The following PTPRN2 variants were observed in gnomAD, a reference collection of about 807,000 sequenced individuals.
The protein encoded by PTPRN2 is receptor-type tyrosine-protein phosphatase N2.
PTPRN2 carries 74 observed loss-of-function variants against 118.8 expected under a neutral mutation model. That is an observed-to-expected ratio of 0.62 (90% CI 0.52 to 0.76). The LOEUF is 0.76. Among genes scored for constraint, PTPRN2 ranks in the 30% least tolerant of loss-of-function variants. The pLI, the probability that PTPRN2 is intolerant of heterozygous loss-of-function variation, is 0.00. For missense variants in PTPRN2, 1,481 were observed against 1,394.4 expected, an observed-to-expected ratio of 1.06 and a Z score of -0.99; for synonymous variants, 641 against 608.0, an observed-to-expected ratio of 1.05 and a Z score of -0.80.
intron 12 of PTPRN2, among the ~76,000 whole-genome samples, chr7:157,734,197 T>TACCCTTTC (rs1563053079): frequency 5.6e-5 from 3 of 53,878 alleles, no homozygotes; most frequent in East Asian, 6.6e-4. Context: ...GTTACTCTTT[T>TACCCTTTC]CCGTCCCATG....
chr7:158,551,210 C>G (rs1211053847), intron 1 of PTPRN2, among the ~76,000 whole-genome samples: 1 of 152,250 alleles, frequency 6.6e-6, no homozygotes, highest in African/African-American at 2.4e-5. Context: ...ATGGTCACTG[C>G]CTTGCTGTGT....
intron 2 of PTPRN2, among the ~76,000 whole-genome samples, chr7:158,449,755 G>T (rs1817975421): frequency 6.6e-6 from 1 of 152,216 alleles, no homozygotes. Flanking sequence ...GTTTCCCGCA[G>T]CCCCTGCACT....
At chr7:158,340,686 TAAGAGGTGAAACCTGCAGAC>T (rs1806561186) in intron 2 of PTPRN2, among the ~76,000 whole-genome samples, 3 of 89,028 alleles carry the variant, frequency 3.4e-5, no homozygotes, top group African/African-American at 1.3e-4. Context: ...ACTCTCACCA[TAAGAGGTGAAACCTGCAGAC>T]GTCACTCACA....
At chr7:158,289,958 T>C (rs1212962383) in intron 3 of PTPRN2, among the ~76,000 whole-genome samples, 1 of 152,130 alleles carries the variant, frequency 6.6e-6, no homozygotes. Context: ...TTGGCCTGGA[T>C]CCACTGGAGT....
chr7:157,606,491 C>T lies in PTPRN2; in HGVS notation c.2345-2416G>A, dbSNP rs570668754. 3.3e-5 allele frequency among the ~76,000 whole-genome samples: 5 copies of T among 152,222 alleles called. No individual in the cohort carries two copies. The South Asian group carries it at 6.2e-4, about 19-fold the overall frequency. ...CTGAAATCTGGAAGCAACAACATCT[C>T]GGCTCTGCTGCCGTTTGTCCCAGGG... On this transcript the variant is annotated intron_variant, in intron 15 of 22. Transcript: ENST00000389418.
intron 12 of PTPRN2, among the ~76,000 whole-genome samples, chr7:157,851,462 G>T (rs1335904686): frequency 6.6e-6 from 1 of 152,178 alleles, no homozygotes; most frequent in Non-Finnish European, 1.5e-5. Flanking sequence ...CTGGTGCATG[G>T]AACAGCGACT....
At chr7:157,827,362 CCACAACACAA>C (rs57453915) in intron 12 of PTPRN2, among the ~76,000 whole-genome samples, 8,509 of 146,674 alleles carry the variant, frequency 0.058, 372 homozygotes, top group East Asian at 0.21. Flanking sequence ...AAGCCAGAGA[CCACAACACAA>C]CACAACACAA....
In PTPRN2 at chr7:157,611,403, C is replaced by T. The variant is rs1484033248; in HGVS notation, c.2345-7328G>A. Among the ~76,000 whole-genome samples the T allele has an allele frequency of 6.6e-6, 1 of 152,054 alleles. No homozygotes were observed. Among genetic ancestry groups the T allele is most frequent in the Non-Finnish European group, 1.5e-5 (1 of 68,014 alleles). On this transcript the variant is annotated intron_variant, in intron 15 of 22. Transcript: ENST00000389418. This position sits in a 1 kb window ranked among gnomAD's most constrained non-coding sequence, Gnocchi z 5.9. ...AAGGAACTCCCCAGGCAGGGCTATG[C>T]GGGGGCAGAATGCAGGGGGAACAGA...
At chr7:157,736,045 T>C (rs911567392) in intron 12 of PTPRN2, among the ~76,000 whole-genome samples, 3 of 152,194 alleles carry the variant, frequency 2.0e-5, no homozygotes, top group African/African-American at 7.2e-5. Flanking sequence ...TCTCATGCCC[T>C]GGAGCAGAGC....
At chr7:158,230,540 G>T (rs564230179) in intron 3 of PTPRN2, among the ~76,000 whole-genome samples, 54 of 151,534 alleles carry the variant, frequency 3.6e-4, no homozygotes, top group East Asian at 9.7e-4. Context: ...ATACAGAGGG[G>T]TTTTTTTTCA....
At chr7:157,810,003 C>T (rs73511096) in intron 12 of PTPRN2, among the ~76,000 whole-genome samples, 2,981 of 152,232 alleles carry the variant, frequency 0.02, 103 homozygotes, top group African/African-American at 0.065. Context: ...ATCAGGGAAC[C>T]GCCAGGCCGG....
At position 157,587,151 on chromosome 7, in the gene PTPRN2, G is replaced by GCAGACAGGCAGGCAGACAGA. The variant is rs980716830; in HGVS notation, c.2496+8067_2496+8086dup. Among the ~76,000 whole-genome samples the GCAGACAGGCAGGCAGACAGA allele has an allele frequency of 5.3e-5, 8 of 151,860 alleles. No individual in the cohort carries two copies. The highest frequency in any genetic ancestry group is 5.9e-5 in the Non-Finnish European group (4 of 67,928). On this transcript the variant is annotated intron_variant, in intron 17 of 22. Transcript: ENST00000389418. This position sits in a 1 kb window ranked among gnomAD's most constrained non-coding sequence, Gnocchi z 5.3. The stretch of plus-strand genomic sequence containing the variant: ...GGCAGATACACAGGCAGGCAGACAG[G>GCAGACAGGCAGGCAGACAGA]CAGACAGGCAGGCAGACAGACAAGA...
In PTPRN2 at chr7:157,764,298, G is replaced by A. The variant is rs1005438704; in HGVS notation, c.1789-81361C>T. On this transcript the variant is annotated intron_variant, in intron 12 of 22. Coordinates refer to ENST00000389418, the MANE Select transcript of PTPRN2 (RefSeq NM_002847.5). The surrounding 1 kb of genome is among the most constrained non-coding windows in gnomAD (Gnocchi z 4.5). ...GCACGCCCATGTTCATAGCAGCAGC[G>A]CTCACAGAAGCCAAGAGGTGAGGCC... is the stretch of plus-strand genomic sequence containing the variant. Among the ~76,000 whole-genome samples, 32 of 152,196 alleles carry A rather than the reference G, an allele frequency of 2.1e-4. No individual in the cohort carries two copies. The highest frequency in any genetic ancestry group is 7.5e-4 in the African/African-American group (31 of 41,446).
chr7:158,423,915 G>C (rs4909085), intron 2 of PTPRN2, among the ~76,000 whole-genome samples: 148,192 of 152,358 alleles, frequency 0.97, 72,107 homozygotes, highest in African/African-American at 0.99. Flanking sequence ...TTCTGCTGTG[G>C]TCTGTAGTTT....
intron 6 of PTPRN2, among the ~76,000 whole-genome samples, chr7:158,166,135 C>T (rs1036457514): frequency 5.3e-5 from 8 of 150,732 alleles, no homozygotes; most frequent in East Asian, 3.9e-4. Flanking sequence ...CCATGTTGCC[C>T]GCCCCATCCA....
At chr7:158,068,580 C>A (rs141659590) in intron 11 of PTPRN2, among the ~76,000 whole-genome samples, 2 of 152,306 alleles carry the variant, frequency 1.3e-5, no homozygotes, top group Non-Finnish European at 2.9e-5. Context: ...GAACCGGGTG[C>A]CTATTGAATG....
At chr7:158,049,380 A>G (rs1279558820) in intron 11 of PTPRN2, among the ~76,000 whole-genome samples, 1 of 151,950 alleles carries the variant, frequency 6.6e-6, no homozygotes, top group African/African-American at 2.4e-5. Context: ...GGTGACTCCA[A>G]CTCCGACACT....
At chr7:158,267,893 T>G (rs536086787) in intron 3 of PTPRN2, among the ~76,000 whole-genome samples, 2 of 152,286 alleles carry the variant, frequency 1.3e-5, no homozygotes, top group Non-Finnish European at 2.9e-5. Flanking sequence ...TCCTACCTCC[T>G]TCACCTCACC....
chr7:157,804,733 C>T (rs1805522926), intron 12 of PTPRN2, among the ~76,000 whole-genome samples: 1 of 152,208 alleles, frequency 6.6e-6, no homozygotes, highest in Admixed American at 6.5e-5. Flanking sequence ...ACCACCCACC[C>T]ACCATTCAGC....
Sources: gnomAD v4.1 joint callset for allele counts (sites outside exome capture counted in the v4.1 genomes callset) on GRCh38, gnomAD v4.1.1 for gene constraint, Gnocchi (gnomAD v3.1) non-coding constraint, MANE v1.5 for transcripts, NCBI Gene and HGNC (gene_info 2026-07-23, HGNC 2026-07-21) for gene names.